Variants in MACROD2 observed in about 807,000 individuals in gnomAD.
MACROD2 encodes the protein ADP-ribose glycohydrolase MACROD2.
Under a neutral mutation model 70.4 loss-of-function variants are expected in MACROD2, and 36 were observed. The observed-to-expected ratio is 0.51, with a 90% CI of 0.39 to 0.68. The LOEUF is 0.68. Among genes scored for constraint, MACROD2 ranks in the 30% least tolerant of loss-of-function variants. MACROD2 has a pLI of 0.00. For synonymous variants in MACROD2, 172 were observed against 178.8 expected, an observed-to-expected ratio of 0.96 and a Z score of 0.30; for missense variants, 496 against 538.4, an observed-to-expected ratio of 0.92 and a Z score of 0.78.
chr20:14,195,936 T>G (rs979145187), intron 3 of MACROD2, among the ~76,000 whole-genome samples: 1 of 152,168 alleles, frequency 6.6e-6, no homozygotes, highest in Non-Finnish European at 1.5e-5. Context: ...GTCCCTACGA[T>G]AAGGCAGGGG....
intron 3 of MACROD2, among the ~76,000 whole-genome samples, chr20:14,273,872 C>T (rs1345379544): frequency 4.2e-4 from 64 of 152,066 alleles, no homozygotes; most frequent in Admixed American, 2.7e-3. Context: ...AACACCTCTA[C>T]GCAAATAAAC....
At chr20:15,167,563 C>A (rs921400592) in intron 5 of MACROD2, among the ~76,000 whole-genome samples, 2 of 152,150 alleles carry the variant, frequency 1.3e-5, no homozygotes, top group Non-Finnish European at 2.9e-5. Flanking sequence ...TTTACAATTG[C>A]TCTTCAGAGG....
intron 8 of MACROD2, among the ~76,000 whole-genome samples, chr20:15,574,763 GA>G (rs1331161526): frequency 6.6e-6 from 1 of 152,120 alleles, no homozygotes; most frequent in Non-Finnish European, 1.5e-5. Flanking sequence ...CAGTATGCTT[GA>G]AATCTGAAGA....
intron 5 of MACROD2, among the ~76,000 whole-genome samples, chr20:14,870,752 A>G (rs1212556796): frequency 6.6e-6 from 1 of 151,960 alleles, no homozygotes; most frequent in Non-Finnish European, 1.5e-5. Flanking sequence ...TTTCTTTTGA[A>G]AAGTGTCTGT....
chr20:14,035,102 C>G (rs2053291821), intron 2 of MACROD2, among the ~76,000 whole-genome samples: 2 of 152,106 alleles, frequency 1.3e-5, no homozygotes, highest in African/African-American at 2.4e-5. Flanking sequence ...GTGTTGAACT[C>G]TGTTATTCAT....
intron 5 of MACROD2, among the ~76,000 whole-genome samples, chr20:14,717,364 G>A (rs1262729843): frequency 6.6e-6 from 1 of 152,176 alleles, no homozygotes; most frequent in Non-Finnish European, 1.5e-5. Context: ...GAAACCGAAT[G>A]TGGGTGGTAA....
chr20:14,314,982 C>T lies in MACROD2; in HGVS notation c.272-178497C>T, dbSNP rs182739663. ...TAAGCAGCAAAAACTGGAAAGCAAACCTAGGTCTGTCTAATTCAAAGATAA... is the reference window on the plus strand; with the variant it reads ...TAAGCAGCAAAAACTGGAAAGCAAATCTAGGTCTGTCTAATTCAAAGATAA... On this transcript the variant is annotated intron_variant, in intron 3 of 17. Transcript: ENST00000684519. Among the ~76,000 whole-genome samples, 16 of 152,148 alleles carry T rather than the reference C, an allele frequency of 1.1e-4. No individual in the cohort carries two copies. In the East Asian group the frequency reaches 2.1e-3, roughly 20 times the overall value.
chr20:14,183,826 A>T (rs1176682660), intron 3 of MACROD2, among the ~76,000 whole-genome samples: 1 of 152,122 alleles, frequency 6.6e-6, no homozygotes, highest in Non-Finnish European at 1.5e-5. Flanking sequence ...TTGGCTGCAT[A>T]TATGTCTTCT....
chr20:14,240,468 G>T (rs576268417), intron 3 of MACROD2, among the ~76,000 whole-genome samples: 13 of 152,264 alleles, frequency 8.5e-5, no homozygotes, highest in Middle Eastern at 3.4e-3. Flanking sequence ...ACTGGATACA[G>T]AAAACATGGT....
intron 5 of MACROD2, among the ~76,000 whole-genome samples, chr20:14,695,748 C>A (rs2123621550): frequency 6.6e-6 from 1 of 152,338 alleles, no homozygotes; most frequent in East Asian, 1.9e-4. Flanking sequence ...TTCTCCTGCC[C>A]AATCAAGCTT....
intron 6 of MACROD2, 104 bp downstream of exon 6, chr20:15,230,165 G>T (rs987873415): frequency 8.6e-7 from 1 of 1,157,310 alleles, no homozygotes; most frequent in East Asian, 2.6e-5. Flanking sequence ...AAACTTTTGA[G>T]AACTAAGTTT....
chr20:14,231,839 G>A (rs6079364), intron 3 of MACROD2, among the ~76,000 whole-genome samples: 88,607 of 151,878 alleles, frequency 0.58, 28,034 homozygotes, highest in Non-Finnish European at 0.72. Context: ...ATTCTAACTG[G>A]TGTGAGATGG....
At chr20:15,529,616 T>C (rs1480516127) in intron 8 of MACROD2, among the ~76,000 whole-genome samples, 1 of 152,020 alleles carries the variant, frequency 6.6e-6, no homozygotes, top group African/African-American at 2.4e-5. Flanking sequence ...TTTGTGATTT[T>C]AAGTGAATTG....
In MACROD2 at chr20:14,956,108, G is replaced by A. The variant is rs148436347; in HGVS notation, c.418+271149G>A. Among the ~76,000 whole-genome samples the A allele has an allele frequency of 1.9e-3, 294 of 150,862 alleles. 3 individuals carry two copies. Among genetic ancestry groups the A allele is most frequent in the Middle Eastern group, 0.017 (5 of 290 alleles). ...CATTGTTTTTAACCTAGTACTAAATGGAAAACCTAGGCTAGCATTTATTTG... is the reference window on the plus strand; with the variant it reads ...CATTGTTTTTAACCTAGTACTAAATAGAAAACCTAGGCTAGCATTTATTTG... On this transcript the variant is annotated intron_variant, in intron 5 of 17. Transcript: ENST00000684519.
At chr20:14,465,410 A>G (rs1600266548) in intron 3 of MACROD2, among the ~76,000 whole-genome samples, 1 of 151,622 alleles carries the variant, frequency 6.6e-6, no homozygotes, top group South Asian at 2.1e-4. Context: ...CCATCCCTTT[A>G]TTTTGAGCCT....
At chr20:14,257,605 T>C (rs2082068104) in intron 3 of MACROD2, among the ~76,000 whole-genome samples, 1 of 152,174 alleles carries the variant, frequency 6.6e-6, no homozygotes, top group Non-Finnish European at 1.5e-5. Context: ...CCCCACATGG[T>C]GGCCTCATAA....
chr20:15,842,712 G>GGACAGATA (rs1555786008), intron 8 of MACROD2, among the ~76,000 whole-genome samples: 1 of 141,584 alleles, frequency 7.1e-6, no homozygotes, highest in East Asian at 2.1e-4. Context: ...GTGGGTGGAT[G>GGACAGATA]GATAGATAGA....
At chr20:15,745,188 G>T (rs905871405) in intron 8 of MACROD2, among the ~76,000 whole-genome samples, 2 of 152,222 alleles carry the variant, frequency 1.3e-5, no homozygotes, top group South Asian at 4.1e-4. Context: ...AAATATTCTT[G>T]CTGTGAATAT....
At chr20:14,524,944 T>C (rs2085213797) in intron 4 of MACROD2, among the ~76,000 whole-genome samples, 1 of 152,182 alleles carries the variant, frequency 6.6e-6, no homozygotes, top group Non-Finnish European at 1.5e-5. Flanking sequence ...AGAAGAACCC[T>C]ATTCTTATTG....
Sources: allele counts gnomAD v4.1 joint callset (sites outside exome capture counted in the v4.1 genomes callset), GRCh38; gene constraint gnomAD v4.1.1; transcripts MANE v1.5; gene names NCBI Gene and HGNC (gene_info 2026-07-23, HGNC 2026-07-21).